The following TMEM178B variants were observed in gnomAD, a reference collection of about 807,000 sequenced individuals.
The protein encoded by TMEM178B is transmembrane protein 178B.
Under a neutral mutation model 31.0 loss-of-function variants are expected in TMEM178B, and 5 were observed. That is an observed-to-expected ratio of 0.16 (90% CI 0.08 to 0.34). The LOEUF (loss-of-function observed/expected upper bound fraction) is 0.34, where lower values mean the gene tolerates loss of function less well. Ranked by LOEUF, TMEM178B falls within the 10% of genes least tolerant of loss-of-function variation. The pLI is 1.00. For synonymous variants in TMEM178B, 164 were observed against 164.0 expected (o/e 1.00, Z 0.00); for missense variants, 275 against 400.3 (o/e 0.69, Z 2.67).
chr7:141,130,697 G>C (rs1479112996), intron 1 of TMEM178B, among the ~76,000 whole-genome samples: 1 of 152,084 alleles, frequency 6.6e-6, no homozygotes, highest in Non-Finnish European at 1.5e-5. Context: ...AGAGAGGAGG[G>C]AGAGGAGGGA....
the TMEM178B span, among the ~76,000 whole-genome samples, chr7:141,490,661 A>G: frequency 6.6e-6 from 1 of 152,220 alleles, no homozygotes; most frequent in Non-Finnish European, 1.5e-5. Flanking sequence ...AGAGAAGCAC[A>G]GTGTGGAATC....
chr7:141,309,259 G>C (rs1798867839), intron 2 of TMEM178B, among the ~76,000 whole-genome samples: 1 of 152,118 alleles, frequency 6.6e-6, no homozygotes. Flanking sequence ...ACATAATGCA[G>C]ATATACCTAA....
At chr7:141,460,302 G>A (rs1802038523) in intron 3 of TMEM178B, among the ~76,000 whole-genome samples, 1 of 152,170 alleles carries the variant, frequency 6.6e-6, no homozygotes, top group African/African-American at 2.4e-5. Context: ...TCTGCACAAG[G>A]CCGTCCCTCT....
chr7:141,332,445 C>T (rs967150731), intron 2 of TMEM178B, among the ~76,000 whole-genome samples: 6 of 152,208 alleles, frequency 3.9e-5, no homozygotes, highest in African/African-American at 1.4e-4. Flanking sequence ...GACCAATCAG[C>T]AGCCAACACG....
intron 2 of TMEM178B, among the ~76,000 whole-genome samples, chr7:141,275,400 A>G (rs534306395): frequency 6.6e-6 from 1 of 152,226 alleles, no homozygotes; most frequent in Non-Finnish European, 1.5e-5. Context: ...ACTTTGTGAT[A>G]GTGAGATGTT....
At chr7:141,103,814 T>C (rs774769994) in intron 1 of TMEM178B, among the ~76,000 whole-genome samples, 15 of 152,236 alleles carry the variant, frequency 9.9e-5, no homozygotes, top group Admixed American at 2.6e-4. Flanking sequence ...TGAAGATTTA[T>C]TGGCAGATTT....
At chr7:141,147,576 CA>C (rs1795875165) in intron 1 of TMEM178B, among the ~76,000 whole-genome samples, 1 of 152,028 alleles carries the variant, frequency 6.6e-6, no homozygotes, top group Non-Finnish European at 1.5e-5. Flanking sequence ...GTGATGGAAG[CA>C]ATGGAGAGGA....
At chr7:141,220,417 C>T (rs554532395) in intron 2 of TMEM178B, among the ~76,000 whole-genome samples, 33 of 151,952 alleles carry the variant, frequency 2.2e-4, no homozygotes, top group African/African-American at 8.0e-4. Context: ...AGATAGCTGG[C>T]CTGGCTGGGG....
At chr7:141,151,818 T>C (rs1795977004) in intron 1 of TMEM178B, among the ~76,000 whole-genome samples, 1 of 152,146 alleles carries the variant, frequency 6.6e-6, no homozygotes, top group Non-Finnish European at 1.5e-5. Flanking sequence ...CAGCCACATG[T>C]AGGGGGTGTG....
At chr7:141,188,957 A>G (rs931415697) in intron 1 of TMEM178B, among the ~76,000 whole-genome samples, 2 of 152,264 alleles carry the variant, frequency 1.3e-5, no homozygotes, top group African/African-American at 4.8e-5. Context: ...GTCCAAGGCC[A>G]CATGGCCTGA....
chr7:141,134,718 G>T (rs188157665), intron 1 of TMEM178B, among the ~76,000 whole-genome samples: 2 of 152,168 alleles, frequency 1.3e-5, no homozygotes, highest in East Asian at 3.8e-4. Flanking sequence ...TCACTTAGAA[G>T]ATATAGAATG....
At chr7:141,249,157 A>G (rs6464437) in intron 2 of TMEM178B, among the ~76,000 whole-genome samples, 72,875 of 152,020 alleles carry the variant, frequency 0.48, 17,866 homozygotes, top group East Asian at 0.8. Context: ...CATAATTCCC[A>G]TGTGTCATGG....
At chr7:141,245,160 A>G (rs1797704968) in intron 2 of TMEM178B, among the ~76,000 whole-genome samples, 1 of 119,262 alleles carries the variant, frequency 8.4e-6, no homozygotes, top group Non-Finnish European at 1.7e-5. Flanking sequence ...ACAGAGCAAG[A>G]CTCCATCACC....
At chr7:141,349,469 T>C (rs1021200369) in intron 2 of TMEM178B, among the ~76,000 whole-genome samples, 6 of 152,182 alleles carry the variant, frequency 3.9e-5, no homozygotes, top group Admixed American at 3.9e-4. Context: ...ATTTAGATAT[T>C]CAACATGCGT....
At chr7:141,483,135 T>C (rs1349145148), downstream of TMEM178B, among the ~76,000 whole-genome samples, 4 of 152,178 alleles carry the variant, frequency 2.6e-5, no homozygotes, top group Non-Finnish European at 5.9e-5. Flanking sequence ...AAATGATCTA[T>C]GGAGGTAATT....
At chr7:141,354,526 T>C (rs1330908811) in intron 2 of TMEM178B, among the ~76,000 whole-genome samples, 1 of 152,248 alleles carries the variant, frequency 6.6e-6, no homozygotes, top group Non-Finnish European at 1.5e-5. Flanking sequence ...AGTCTGAGTG[T>C]ATGTGTTCAC....
At chr7:141,481,167 A>G (rs1336170309), downstream of TMEM178B, among the ~76,000 whole-genome samples, 24 of 151,982 alleles carry the variant, frequency 1.6e-4, no homozygotes, top group Non-Finnish European at 4.4e-5. Context: ...TTCTGCCGCC[A>G]CCTCCACCAG....
chr7:141,473,228 A>C lies in TMEM178B; in HGVS notation c.*2442A>C, dbSNP rs1260331332. 2 of 152,216 alleles carry C rather than the reference A, an allele frequency of 1.3e-5. No homozygotes were observed. The highest frequency in any genetic ancestry group is 2.9e-5 in the Non-Finnish European group (2 of 68,036). 9.4% of individuals were successfully genotyped at this position (152,216 alleles called of 1,614,324 possible). A position where few individuals can be genotyped will look rare whatever the true frequency, so the allele number is the denominator to read the frequency against. On this transcript the variant is annotated 3_prime_UTR_variant, in exon 4 of 4. Transcript: ENST00000565468. ...AAGGGCATACTTGGGCTTAAGGAAA[A>C]GTGAAGAAAAGTATCTCAGATTGAG...
chr7:141,222,121 G>A (rs1797267426), intron 2 of TMEM178B, among the ~76,000 whole-genome samples: 1 of 152,206 alleles, frequency 6.6e-6, no homozygotes, highest in South Asian at 2.1e-4. Flanking sequence ...ACCTCTCAGG[G>A]AAGCAGGACC....
Sources: gnomAD v4.1 joint callset for allele counts (sites outside exome capture counted in the v4.1 genomes callset) on GRCh38, gnomAD v4.1.1 for gene constraint, MANE v1.5 for transcripts, NCBI Gene and HGNC (gene_info 2026-07-23, HGNC 2026-07-21) for gene names.